The following PCDHGA4 variants were observed in gnomAD, a reference collection of about 807,000 sequenced individuals.
PCDHGA4 encodes protocadherin gamma subfamily A, 4, also known as protocadherin gamma-A4.
A neutral mutation model predicts 54.6 loss-of-function variants in PCDHGA4; 38 were observed. That is an observed-to-expected ratio of 0.70 (90% CI 0.54 to 0.91). PCDHGA4 has a LOEUF of 0.91. Among genes scored for constraint, PCDHGA4 ranks in the 40% least tolerant of loss-of-function variants. The pLI, the probability that PCDHGA4 is intolerant of heterozygous loss-of-function variation, is 0.00. For missense variants in PCDHGA4, 1,298 were observed against 1,220.9 expected (o/e 1.06, Z -0.94); for synonymous variants, 511 against 512.9 (o/e 1.00, Z 0.05).
chr5:141,431,976 C>T lies in PCDHGA4; in HGVS notation c.2515-62831C>T, dbSNP rs2097433306. ...TACGGAAATTACTATAGTTTAGTCACAGACATAGTCTTGGATAGGGAACAG... is the reference window on the plus strand; with the variant it reads ...TACGGAAATTACTATAGTTTAGTCATAGACATAGTCTTGGATAGGGAACAG... On this transcript the variant is annotated intron_variant, in intron 1 of 3. Transcript: ENST00000571252. This position sits in a 1 kb window ranked among gnomAD's most constrained non-coding sequence, Gnocchi z 4.8. 6.2e-7 allele frequency: 1 copy of T among 1,614,078 alleles called. No individual in the cohort carries two copies. The highest frequency in any genetic ancestry group is 1.3e-5 in the African/African-American group (1 of 74,934).
rs371807105 is a variant in PCDHGA4 at position 141,476,586 on chromosome 5, A to G, written c.2515-18221A>G. ...GCTCCGGGGACGCGCTTTCCGCTCG[A>G]GAGCGCGCACGATCCCGATGTGGGA... is the stretch of plus-strand genomic sequence containing the variant. On this transcript the variant is annotated intron_variant, in intron 1 of 3. Coordinates refer to ENST00000571252, the MANE Select transcript of PCDHGA4 (RefSeq NM_018917.4). This position sits in a 1 kb window ranked among gnomAD's most constrained non-coding sequence, Gnocchi z 7.6. The G allele has an allele frequency of 6.2e-7, 1 of 1,614,222 alleles. No homozygotes were observed. The highest frequency in any genetic ancestry group is 8.5e-7 in the Non-Finnish European group (1 of 1,180,032).
chr5:141,434,795 T>C (rs1027924206), intron 1 of PCDHGA4, among the ~76,000 whole-genome samples: 2 of 152,004 alleles, frequency 1.3e-5, no homozygotes, highest in African/African-American at 2.4e-5. Context: ...TTTTTTTTTC[T>C]GAGCTTGGAG....
chr5:141,421,418 G>C, intron 1 of PCDHGA4: 1 of 1,614,086 alleles, frequency 6.2e-7, no homozygotes, highest in Middle Eastern at 1.7e-4. Context: ...GCGAAGCGCG[G>C]AGTCCGCATC....
At chr5:141,409,872 A>T in intron 1 of PCDHGA4, 1 of 1,612,828 alleles carries the variant, frequency 6.2e-7, no homozygotes. Context: ...GACCGCAATG[A>T]CAACGCACCG....
At chr5:141,471,361 CT>C (rs2099255928) in intron 1 of PCDHGA4, 1 of 151,976 alleles carries the variant, frequency 6.6e-6, no homozygotes, top group Non-Finnish European at 1.5e-5. Flanking sequence ...TCCAAGCCCC[CT>C]ATTTTTATTT....
At chr5:141,498,231 A>T (rs1213697084) in intron 2 of PCDHGA4, among the ~76,000 whole-genome samples, 1 of 152,268 alleles carries the variant, frequency 6.6e-6, no homozygotes, top group East Asian at 1.9e-4. Flanking sequence ...ATGGTCAGGC[A>T]TACCAGCTTC....
Position 141,431,336 on chromosome 5 carries a change from G to C in PCDHGA4, c.2515-63471G>C, listed in dbSNP as rs1187672228. ...TGGAGCCGACGGTAGTAAGTACCCC[G>C]AATTGGTGCTGAAACGCGCCCTGGA... On this transcript the variant is annotated intron_variant, in intron 1 of 3. Transcript: ENST00000571252. The surrounding 1 kb of genome is among the most constrained non-coding windows in gnomAD (Gnocchi z 4.8). 2.5e-6 allele frequency: 4 copies of C among 1,613,956 alleles called. No individual in the cohort carries two copies. The East Asian group carries it at 6.7e-5, about 27-fold the overall frequency.
At chr5:141,421,843 G>C (rs769652818) in intron 1 of PCDHGA4, 1 of 1,613,798 alleles carries the variant, frequency 6.2e-7, no homozygotes, top group Non-Finnish European at 8.5e-7. Context: ...CCGAGAGAAA[G>C]AGGCTGCTCA....
intron 1 of PCDHGA4, chr5:141,410,735 T>C: frequency 7.5e-7 from 1 of 1,336,188 alleles, no homozygotes; most frequent in Non-Finnish European, 1.0e-6. Context: ...CATAGCTTTT[T>C]ACAATATTTT....
At chr5:141,459,930 T>C (rs1385764489) in intron 1 of PCDHGA4, among the ~76,000 whole-genome samples, 1 of 152,176 alleles carries the variant, frequency 6.6e-6, no homozygotes, top group East Asian at 1.9e-4. Context: ...TATATCCTTG[T>C]AGCTGGGCGT....
At chr5:141,376,594 G>A in intron 1 of PCDHGA4, 2 of 1,525,706 alleles carry the variant, frequency 1.3e-6, no homozygotes, top group Non-Finnish European at 1.8e-6. Flanking sequence ...TAGATCGGCT[G>A]TTATAGAAGC....
At chr5:141,400,385 C>G (rs903146096) in intron 1 of PCDHGA4, 1 of 1,614,074 alleles carries the variant, frequency 6.2e-7, no homozygotes, top group Admixed American at 1.7e-5. Flanking sequence ...CTATGTGTTG[C>G]ACATACAGGA....
chr5:141,431,553 A>T lies in PCDHGA4; in HGVS notation c.2515-63254A>T, dbSNP rs762863300. On this transcript the variant is annotated intron_variant, in intron 1 of 3. Coordinates refer to ENST00000571252, the MANE Select transcript of PCDHGA4 (RefSeq NM_018917.4). The surrounding 1 kb of genome is among the most constrained non-coding windows in gnomAD (Gnocchi z 4.8). Reference sequence around the variant, plus strand: ...TTGGGCACGCAGCTGCTTGTAGTCAACGCTACCGACCCTGACGAAGGAGTC... The same window carrying T: ...TTGGGCACGCAGCTGCTTGTAGTCATCGCTACCGACCCTGACGAAGGAGTC... The T allele has an allele frequency of 1.1e-5, 18 of 1,613,994 alleles. 1 individual carries two copies. Among genetic ancestry groups the T allele is most frequent in the Non-Finnish European group, 3.4e-6 (4 of 1,180,028 alleles).
rs185786686 is a variant in PCDHGA4 at position 141,384,098 on chromosome 5, A to G, written c.2514+26477A>G. 9.4e-3 allele frequency: 14,953 copies of G among 1,596,884 alleles called. 110 individuals carry two copies. The highest frequency in any genetic ancestry group is 0.01 in the Non-Finnish European group (12,057 of 1,171,020). On this transcript the variant is annotated intron_variant, in intron 1 of 3. Transcript: ENST00000571252. ...TTTAAATTAGAAAAATCAATAGATA[A>G]TTATTATAGATTGGTCACAACCAAA... is the stretch of plus-strand genomic sequence containing the variant.
chr5:141,457,949 C>G (rs2098933653), intron 1 of PCDHGA4, among the ~76,000 whole-genome samples: 1 of 152,192 alleles, frequency 6.6e-6, no homozygotes. Flanking sequence ...CTCTGCATGT[C>G]AAGCTTGATT....
At chr5:141,372,238 G>C in intron 1 of PCDHGA4, 4 of 1,613,300 alleles carry the variant, frequency 2.5e-6, no homozygotes, top group Non-Finnish European at 3.4e-6. Flanking sequence ...AGCGAGCCCG[G>C]GCTGTTCAGC....
At chr5:141,386,790 C>T (rs546308515) in intron 1 of PCDHGA4, among the ~76,000 whole-genome samples, 2 of 152,232 alleles carry the variant, frequency 1.3e-5, no homozygotes, top group South Asian at 4.2e-4. Flanking sequence ...AATCTCCTGA[C>T]CAAAATTTAT....
rs774983500 is a variant in PCDHGA4 at position 141,490,973 on chromosome 5, G to T, written c.2515-3834G>T. ...GACTGGGAACACTCAGCCCCCCAGC[G>T]TCTCCCTCGCTCTGCTCCTCCTGGC... On this transcript the variant is annotated intron_variant, in intron 1 of 3. Transcript: ENST00000571252. The surrounding 1 kb of genome is among the most constrained non-coding windows in gnomAD (Gnocchi z 5.4). 1 of 1,613,932 alleles carries T rather than the reference G, an allele frequency of 6.2e-7. No individual in the cohort carries two copies. The highest frequency in any genetic ancestry group is 1.3e-5 in the African/African-American group (1 of 75,040).
At chr5:141,466,004 C>T (rs1336655723) in intron 1 of PCDHGA4, among the ~76,000 whole-genome samples, 1 of 151,920 alleles carries the variant, frequency 6.6e-6, no homozygotes, top group Non-Finnish European at 1.5e-5. Flanking sequence ...CACCTGTAGT[C>T]CCAGCTACTC....
Sources: gnomAD v4.1 joint callset for allele counts (sites outside exome capture counted in the v4.1 genomes callset) on GRCh38, gnomAD v4.1.1 for gene constraint, Gnocchi (gnomAD v3.1) non-coding constraint, MANE v1.5 for transcripts, NCBI Gene and HGNC (gene_info 2026-07-23, HGNC 2026-07-21) for gene names.